NR3C1: variants seen among roughly 807,000 people sequenced by gnomAD.
NR3C1 encodes the protein glucocorticoid receptor.
NR3C1 carries 14 observed loss-of-function variants against 74.0 expected under a neutral mutation model. That is an observed-to-expected ratio of 0.19 (90% CI 0.12 to 0.30). The LOEUF is 0.30. NR3C1 is among the 10% of genes least tolerant of loss of function. NR3C1 has a pLI of 1.00. For synonymous variants in NR3C1, 308 were observed against 332.5 expected, an observed-to-expected ratio of 0.93 and a Z score of 0.80; for missense variants, 695 against 909.8, an observed-to-expected ratio of 0.76 and a Z score of 3.04.
At position 143,280,247 on chromosome 5, in the gene NR3C1, C is replaced by T. The variant is rs1051957890; in HGVS notation, c.*1642G>A. ...TCATCTAAAAATCATTCTTATTTTA[C>T]ACTATACAAGCTATTTTACAATCAT... On this transcript the variant is annotated 3_prime_UTR_variant, in exon 9 of 9. Coordinates refer to ENST00000394464, the MANE Select transcript of NR3C1 (RefSeq NM_000176.3). 3 of 152,558 alleles carry T rather than the reference C, an allele frequency of 2.0e-5. No homozygotes were observed. The highest frequency in any genetic ancestry group is 2.1e-4 in the South Asian group (1 of 4,826). The allele number at this position is 152,558 out of a possible 1,614,324, so 9.5% of individuals were successfully genotyped here. A position where few individuals can be genotyped will look rare whatever the true frequency, so the allele number is the denominator to read the frequency against.
At chr5:143,360,641 T>C (rs1037386297) in intron 2 of NR3C1, among the ~76,000 whole-genome samples, 4 of 152,234 alleles carry the variant, frequency 2.6e-5, no homozygotes, top group African/African-American at 7.2e-5. Context: ...AATAGAAGAA[T>C]ACAGGTCTTT....
chr5:143,374,657 C>A (rs927591168), intron 2 of NR3C1, among the ~76,000 whole-genome samples: 1 of 151,922 alleles, frequency 6.6e-6, no homozygotes, highest in African/African-American at 2.4e-5. Flanking sequence ...ATTTTATGAG[C>A]CCAAATGACA....
At chr5:143,340,297 T>C (rs532606132) in intron 2 of NR3C1, among the ~76,000 whole-genome samples, 44 of 152,182 alleles carry the variant, frequency 2.9e-4, no homozygotes, top group African/African-American at 1.0e-3. Context: ...TGAAGTCTCT[T>C]ATACCCAAAT....
At chr5:143,366,789 C>A (rs973374405) in intron 2 of NR3C1, among the ~76,000 whole-genome samples, 2 of 151,990 alleles carry the variant, frequency 1.3e-5, no homozygotes, top group African/African-American at 2.4e-5. Flanking sequence ...TTATAACAAA[C>A]AAGTAAAGAC....
exon 1 of NR3C1, chr5:143,435,369 CGT>C (rs1340450782): frequency 5.1e-6 from 5 of 985,392 alleles, no homozygotes; most frequent in Non-Finnish European, 6.0e-6. Flanking sequence ...TTTAAAGAAG[CGT>C]GTTGCAATTT....
intron 2 of NR3C1, among the ~76,000 whole-genome samples, chr5:143,374,200 A>G (rs1179802063): frequency 6.6e-6 from 1 of 152,192 alleles, no homozygotes; most frequent in Non-Finnish European, 1.5e-5. Flanking sequence ...TTAAAAACAT[A>G]GTGAGTAAAG....
rs567215953 is a variant in NR3C1 at position 143,303,566 on chromosome 5, TC to T, written c.1469-2804del. 1.5e-3 allele frequency among the ~76,000 whole-genome samples: 221 copies of T among 152,168 alleles called. 1 individual carries two copies. Among genetic ancestry groups the T allele is most frequent in the Non-Finnish European group, 2.4e-3 (164 of 67,970 alleles). ...AAAGCAATCTAGAAAGAGGGCCTCA[TC>T]CCTAACTTATTCTACAAGGGAAACA... On this transcript the variant is annotated intron_variant, in intron 4 of 8. Transcript: ENST00000394464.
chr5:143,326,577 C>A (rs1036206742), intron 2 of NR3C1, among the ~76,000 whole-genome samples: 26 of 152,022 alleles, frequency 1.7e-4, no homozygotes, highest in East Asian at 5.8e-4. Context: ...TATATTCATA[C>A]CACGATTTTT....
intron 2 of NR3C1, among the ~76,000 whole-genome samples, chr5:143,370,169 T>C (rs1833996298): frequency 6.6e-6 from 1 of 152,184 alleles, no homozygotes; most frequent in Admixed American, 6.5e-5. Context: ...CCTGCAAAGA[T>C]GGTTTCCTGC....
At chr5:143,297,749 G>T (rs1360296434) in intron 6 of NR3C1, among the ~76,000 whole-genome samples, 1 of 152,230 alleles carries the variant, frequency 6.6e-6, no homozygotes, top group African/African-American at 2.4e-5. Flanking sequence ...ATACAAGGTA[G>T]AAAGTGAGAG....
At chr5:143,408,537 T>C (rs1841191815), upstream of NR3C1, among the ~76,000 whole-genome samples, 1 of 152,186 alleles carries the variant, frequency 6.6e-6, no homozygotes, top group Non-Finnish European at 1.5e-5. Flanking sequence ...TTTGGATTTT[T>C]TTTTTTCTGA....
intron 3 of NR3C1, among the ~76,000 whole-genome samples, chr5:143,312,679 C>A (rs758777258): frequency 3.3e-5 from 5 of 152,176 alleles, no homozygotes; most frequent in Admixed American, 6.5e-5. Flanking sequence ...AGGAGCCATA[C>A]TGAATGCGTA....
At chr5:143,388,632 A>T (rs1416804058) in intron 2 of NR3C1, among the ~76,000 whole-genome samples, 1 of 152,208 alleles carries the variant, frequency 6.6e-6, no homozygotes, top group Non-Finnish European at 1.5e-5. Flanking sequence ...GAGCAGTCAG[A>T]GATCTCTTTT....
chr5:143,434,076 T>A (rs1752002773), intron 1 of NR3C1, among the ~76,000 whole-genome samples: 1 of 152,232 alleles, frequency 6.6e-6, no homozygotes, highest in African/African-American at 2.4e-5. Context: ...CTGGCCTCTT[T>A]ACTTTATTCA....
chr5:143,371,257 T>C lies in NR3C1; in HGVS notation c.1184+28399A>G, dbSNP rs116999879. On this transcript the variant is annotated intron_variant, in intron 2 of 8. Coordinates refer to ENST00000394464, the MANE Select transcript of NR3C1 (RefSeq NM_000176.3). ...TTACCAAAATAAAACATGTTTATCTTGAAAAAAATTCACAACTTTGAAAAT... is the reference window on the plus strand; with the variant it reads ...TTACCAAAATAAAACATGTTTATCTCGAAAAAAATTCACAACTTTGAAAAT... 1.1e-3 allele frequency among the ~76,000 whole-genome samples: 160 copies of C among 152,380 alleles called. 3 individuals are homozygous for C. The East Asian group carries it at 0.022, about 21-fold the overall frequency.
At chr5:143,295,635 T>G in intron 6 of NR3C1, 45 bp from the exon 7 acceptor site, 1 of 1,533,916 alleles carries the variant, frequency 6.5e-7, no homozygotes. Context: ...ATACTGCTAC[T>G]TCCCCCCAAA....
chr5:143,317,929 T>G (rs1444835538), intron 2 of NR3C1, among the ~76,000 whole-genome samples: 1 of 152,136 alleles, frequency 6.6e-6, no homozygotes, highest in Non-Finnish European at 1.5e-5. Context: ...TCAGTACTAT[T>G]ACGAAGAGAA....
chr5:143,391,612 C>T (rs1838231318), intron 2 of NR3C1, among the ~76,000 whole-genome samples: 1 of 152,020 alleles, frequency 6.6e-6, no homozygotes, highest in South Asian at 2.1e-4. Flanking sequence ...ATCACTATGG[C>T]TATTATGTAG....
In NR3C1 at chr5:143,400,118, G is replaced by C; in HGVS notation, c.722C>G (p.Ser241Trp). 6.2e-7 allele frequency: 1 copy of C among 1,614,120 alleles called. No homozygotes were observed. The change falls in exon 2 of 9, where the codon TCG becomes TGG. Residue 241 changes from serine to tryptophan, a missense_variant. Ser to Trp is a radical substitution (Grantham distance 177). Around this residue, in one of 4 missense-constraint regions of NR3C1, gnomAD observed 497 missense variants for 489.5 expected, o/e 1.02. Coordinates refer to ENST00000394464, the MANE Select transcript of NR3C1 (RefSeq NM_000176.3). ...EDDSFLLEGN[S>W]NEDCKPLILP... ...AATGAGAGGCTTGCAGTCCTCATTCGAGTTTCCTTCCAAAAGGAATGAATC... is the reference window on the plus strand; with the variant it reads ...AATGAGAGGCTTGCAGTCCTCATTCCAGTTTCCTTCCAAAAGGAATGAATC...
Sources: allele counts gnomAD v4.1 joint callset (sites outside exome capture counted in the v4.1 genomes callset), GRCh38; gene constraint gnomAD v4.1.1; regional missense constraint gnomAD v4.1.1; transcripts MANE v1.5; gene names NCBI Gene and HGNC (gene_info 2026-07-23, HGNC 2026-07-21).